The following POU6F2 variants were observed in gnomAD, a reference collection of about 807,000 sequenced individuals.
POU6F2 encodes POU class 6 homeobox 2.
In POU6F2, 31 loss-of-function variants were observed where a neutral mutation model predicts 71.3. The observed-to-expected ratio is 0.43, with a 90% CI of 0.33 to 0.59. The LOEUF is 0.59. POU6F2 is among the 20% of genes least tolerant of loss of function. POU6F2 has a pLI of 0.04. For synonymous variants in POU6F2, 347 were observed against 355.7 expected, an observed-to-expected ratio of 0.98 and a Z score of 0.27; for missense variants, 783 against 856.8, an observed-to-expected ratio of 0.91 and a Z score of 1.07.
At chr7:39,006,143 C>A (rs1789061528) in intron 1 of POU6F2, among the ~76,000 whole-genome samples, 1 of 152,100 alleles carries the variant, frequency 6.6e-6, no homozygotes, top group Non-Finnish European at 1.5e-5. Context: ...TACACCTGAT[C>A]ACATTTTTAA....
chr7:38,992,739 G>T (rs2116630057), intron 1 of POU6F2, among the ~76,000 whole-genome samples: 1 of 152,152 alleles, frequency 6.6e-6, no homozygotes, highest in South Asian at 2.1e-4. Context: ...CTAACGCTTT[G>T]CCACCTTTAA....
chr7:39,439,985 T>C lies in POU6F2; in HGVS notation c.1320+6702T>C, dbSNP rs184342698. 7.2e-4 allele frequency among the ~76,000 whole-genome samples: 110 copies of C among 152,352 alleles called. 1 individual carries two copies. The highest frequency in any genetic ancestry group is 2.1e-3 in the African/African-American group (86 of 41,584). Reference sequence around the variant, plus strand: ...TGAAATTCTAGATTGAAAATTCTTTTCTTTAAGATTGTTAAATAGTGGCCC... The same window carrying C: ...TGAAATTCTAGATTGAAAATTCTTTCCTTTAAGATTGTTAAATAGTGGCCC... On this transcript the variant is annotated intron_variant, in intron 7 of 9. Coordinates refer to ENST00000518318, the MANE Select transcript of POU6F2 (RefSeq NM_001370959.1).
At chr7:39,299,414 A>C (rs1208179112) in intron 4 of POU6F2, among the ~76,000 whole-genome samples, 1 of 152,186 alleles carries the variant, frequency 6.6e-6, no homozygotes, top group Non-Finnish European at 1.5e-5. Flanking sequence ...GAACTCAAAT[A>C]ATTAATAAGC....
intron 2 of POU6F2, among the ~76,000 whole-genome samples, chr7:39,187,180 G>A (rs1354042746): frequency 6.6e-6 from 1 of 152,226 alleles, no homozygotes; most frequent in Non-Finnish European, 1.5e-5. Context: ...AGCCAAGAAA[G>A]ATTAAGCAGC....
In POU6F2 at chr7:39,233,102, A is replaced by G. The variant is rs10254329; in HGVS notation, c.598+25482A>G. On this transcript the variant is annotated intron_variant, in intron 4 of 9. Coordinates refer to ENST00000518318, the MANE Select transcript of POU6F2 (RefSeq NM_001370959.1). The stretch of plus-strand genomic sequence containing the variant: ...CATTTATTTATCAGGTGTTTTATTA[A>G]CCACTTATCCTATGCTGTGCTCAGG... Among the ~76,000 whole-genome samples, 427 of 152,242 alleles carry G rather than the reference A, an allele frequency of 2.8e-3. 1 individual carries two copies. The highest frequency in any genetic ancestry group is 9.7e-3 in the African/African-American group (401 of 41,528).
intron 4 of POU6F2, among the ~76,000 whole-genome samples, chr7:39,293,793 C>T (rs1016419450): frequency 1.3e-5 from 2 of 152,208 alleles, no homozygotes; most frequent in Non-Finnish European, 2.9e-5. Context: ...AAGTCCAACT[C>T]TTTCTCATCC....
chr7:39,339,564 GC>G, intron 4 of POU6F2, 77 bp from the exon 5 acceptor site: 1 of 1,483,422 alleles, frequency 6.7e-7, no homozygotes, highest in South Asian at 1.4e-5. Flanking sequence ...TTCTCCACTT[GC>G]ACTGGACAGG....
At chr7:39,157,208 C>T (rs1792888751) in intron 2 of POU6F2, among the ~76,000 whole-genome samples, 1 of 152,056 alleles carries the variant, frequency 6.6e-6, no homozygotes, top group African/African-American at 2.4e-5. Flanking sequence ...ACATTAAGTA[C>T]TATGTTATTG....
intron 1 of POU6F2, among the ~76,000 whole-genome samples, chr7:39,010,878 G>T (rs980573037): frequency 4.6e-5 from 7 of 151,638 alleles, no homozygotes; most frequent in Admixed American, 4.6e-4. Context: ...ATTGCACTGT[G>T]GTCTGAGAGA....
chr7:39,145,092 C>G (rs1411502775), intron 2 of POU6F2, among the ~76,000 whole-genome samples: 2 of 152,188 alleles, frequency 1.3e-5, no homozygotes, highest in Non-Finnish European at 2.9e-5. Flanking sequence ...AGATTTCTCT[C>G]TCCACTTAAA....
intron 2 of POU6F2, among the ~76,000 whole-genome samples, chr7:39,103,540 T>A (rs1202625675): frequency 6.6e-6 from 1 of 152,220 alleles, no homozygotes. Flanking sequence ...CTAGCTGGTG[T>A]TCCCCTAGAA....
chr7:39,399,627 G>A (rs1787253041), intron 5 of POU6F2, among the ~76,000 whole-genome samples: 1 of 152,212 alleles, frequency 6.6e-6, no homozygotes, highest in African/African-American at 2.4e-5. Flanking sequence ...GCTGAGGCAG[G>A]AGGATCACTG....
chr7:39,377,723 CAT>C (rs3839695), intron 5 of POU6F2, among the ~76,000 whole-genome samples: 25,568 of 152,026 alleles, frequency 0.17, 2,415 homozygotes, highest in East Asian at 0.48. Flanking sequence ...AGACCTGAAA[CAT>C]GTAGGTTTAA....
At chr7:39,444,701 C>A (rs1465927033) in intron 7 of POU6F2, among the ~76,000 whole-genome samples, 2 of 152,232 alleles carry the variant, frequency 1.3e-5, no homozygotes, top group Admixed American at 6.5e-5. Flanking sequence ...TTTGCTTCCT[C>A]CAAGGGATTC....
chr7:39,161,694 T>C (rs1186433780), intron 2 of POU6F2, among the ~76,000 whole-genome samples: 3 of 152,166 alleles, frequency 2.0e-5, no homozygotes, highest in Non-Finnish European at 4.4e-5. Flanking sequence ...ACAGGCACCT[T>C]GTCTCCCCAC....
At chr7:39,123,701 T>C (rs1792089309) in intron 2 of POU6F2, among the ~76,000 whole-genome samples, 1 of 152,202 alleles carries the variant, frequency 6.6e-6, no homozygotes, top group Admixed American at 6.5e-5. Flanking sequence ...TTAAGGCTTC[T>C]ATTATGACTG....
At chr7:39,064,380 A>G (rs922417281) in intron 1 of POU6F2, among the ~76,000 whole-genome samples, 1 of 151,906 alleles carries the variant, frequency 6.6e-6, no homozygotes, top group East Asian at 1.9e-4. Context: ...TAGTAAGTGT[A>G]TTTAAAATAG....
At chr7:39,462,814 A>G (rs1424732815) in intron 9 of POU6F2, among the ~76,000 whole-genome samples, 2 of 152,220 alleles carry the variant, frequency 1.3e-5, no homozygotes, top group Non-Finnish European at 2.9e-5. Context: ...CTTGAGTTCT[A>G]CATGGAAGGG....
intron 1 of POU6F2, among the ~76,000 whole-genome samples, chr7:39,044,748 A>AT (rs34159596): frequency 5.9e-5 from 9 of 151,870 alleles, no homozygotes; most frequent in Admixed American, 1.3e-4. Context: ...AAATATGAGC[A>AT]TTTTTTTGCA....
Sources: allele counts gnomAD v4.1 joint callset (sites outside exome capture counted in the v4.1 genomes callset), GRCh38; gene constraint gnomAD v4.1.1; transcripts MANE v1.5; gene names NCBI Gene and HGNC (gene_info 2026-07-23, HGNC 2026-07-21).